The following TEX9 variants were observed in gnomAD, a reference collection of about 807,000 sequenced individuals.
The protein encoded by TEX9 is testis expressed 9.
TEX9 carries 74 observed loss-of-function variants against 59.6 expected under a neutral mutation model. The ratio of observed to expected loss-of-function variants is 1.24; its 90% CI spans 1.03 to 1.51. The LOEUF (loss-of-function observed/expected upper bound fraction) is 1.51. TEX9 is among the 40% of genes most tolerant of loss of function. The pLI, the probability that TEX9 is intolerant of heterozygous loss-of-function variation, is 0.00. For synonymous variants in TEX9, 186 were observed against 152.2 expected (o/e 1.22, Z -1.64); for missense variants, 522 against 447.8 (o/e 1.17, Z -1.49).
intron 1 of TEX9, among the ~76,000 whole-genome samples, chr15:56,341,734 C>A (rs543967750): frequency 6.6e-6 from 1 of 151,558 alleles, no homozygotes; most frequent in Non-Finnish European, 1.5e-5. Flanking sequence ...AAAGTTGAAC[C>A]CATGAAAGGT....
chr15:56,431,674 T>A (rs2050600819), intron 12 of TEX9, among the ~76,000 whole-genome samples: 1 of 152,094 alleles, frequency 6.6e-6, no homozygotes, highest in East Asian at 1.9e-4. Context: ...TCTGTACACA[T>A]ATCTATGTAT....
chr15:56,257,056 G>A (rs1354575927), intron 1 of TEX9, among the ~76,000 whole-genome samples: 7 of 152,048 alleles, frequency 4.6e-5, no homozygotes. Flanking sequence ...TTCTGTTCCT[G>A]CGTTAGTTTG....
intron 1 of TEX9, among the ~76,000 whole-genome samples, chr15:56,248,320 C>A (rs1415373400): frequency 6.6e-6 from 1 of 152,164 alleles, no homozygotes; most frequent in East Asian, 1.9e-4. Context: ...TCTGTTAGAG[C>A]ACAAATATGT....
intron 1 of TEX9, among the ~76,000 whole-genome samples, chr15:56,345,090 T>C (rs2046445562): frequency 7.0e-6 from 1 of 143,196 alleles, no homozygotes; most frequent in African/African-American, 2.5e-5. Context: ...TATATATATA[T>C]GTATATATAA....
intron 1 of TEX9, among the ~76,000 whole-genome samples, chr15:56,266,137 T>G (rs2044376233): frequency 1.3e-5 from 2 of 151,990 alleles, no homozygotes. Flanking sequence ...TTTCTCTCTT[T>G]TTTTTTTGAG....
chr15:56,407,977 A>G (rs2049158519), intron 9 of TEX9, among the ~76,000 whole-genome samples: 3 of 152,178 alleles, frequency 2.0e-5, no homozygotes, highest in Admixed American at 2.0e-4. Context: ...TGCACTGGCA[A>G]TTGTCCTTCC....
At chr15:56,428,688 TAATTCTCCTCCCTTAC>T in intron 12 of TEX9, 1 of 398,734 alleles carries the variant, frequency 2.5e-6, no homozygotes, top group Non-Finnish European at 4.5e-6. Flanking sequence ...TTTTCATTTA[TAATTCTCCTCCCTTAC>T]AGTAGACCAA....
chr15:56,393,518 C>T (rs1485388396), intron 7 of TEX9: 1 of 152,070 alleles, frequency 6.6e-6, no homozygotes, highest in Admixed American at 6.6e-5. Flanking sequence ...CCTACTATGC[C>T]ATTTTGAACA....
chr15:56,426,562 GTTTT>G lies in TEX9; in HGVS notation c.964-1028_964-1025del, dbSNP rs35594267. On this transcript the variant is annotated intron_variant, in intron 10 of 12. Transcript: ENST00000352903. ...CAACACTCTTATCTTTTAAAGAGGT[GTTTT>G]TTTTTTTTTTTTTTGAAAAGGTGTA... Among the ~76,000 whole-genome samples, 126 of 53,854 alleles carry G rather than the reference GTTTT, an allele frequency of 2.3e-3. 1 individual carries two copies. Among genetic ancestry groups the G allele is most frequent in the African/African-American group, 5.2e-3 (94 of 17,990 alleles). 35.3% of individuals were successfully genotyped at this position (53,854 alleles called of 152,430 possible).
intron 1 of TEX9, among the ~76,000 whole-genome samples, chr15:56,288,235 T>C (rs1433825516): frequency 2.6e-5 from 4 of 152,216 alleles, no homozygotes; most frequent in African/African-American, 4.8e-5. Flanking sequence ...TGTGAGGTGA[T>C]ACCTCATTGT....
At chr15:56,272,944 T>TTTTTTG (rs71456383) in intron 1 of TEX9, among the ~76,000 whole-genome samples, 1 of 142,348 alleles carries the variant, frequency 7.0e-6, no homozygotes, top group Non-Finnish European at 1.5e-5. Context: ...ATTTATTTTT[T>TTTTTTG]TTGTTGTTGT....
At chr15:56,316,436 G>GT (rs147810653) in intron 1 of TEX9, among the ~76,000 whole-genome samples, 1 of 750 alleles carries the variant, frequency 1.3e-3, no homozygotes, top group East Asian at 0.25. Flanking sequence ...TGCCCCTGCT[G>GT]GGGGTGCCTC....
At chr15:56,260,918 A>G (rs2044251259) in intron 1 of TEX9, among the ~76,000 whole-genome samples, 1 of 151,994 alleles carries the variant, frequency 6.6e-6, no homozygotes, top group African/African-American at 2.4e-5. Context: ...GAATATATTT[A>G]ACAATGATTT....
At chr15:56,319,618 T>C (rs2045858448) in intron 1 of TEX9, among the ~76,000 whole-genome samples, 1 of 152,190 alleles carries the variant, frequency 6.6e-6, no homozygotes, top group Non-Finnish European at 1.5e-5. Context: ...TTAATTTATT[T>C]CTCTTTCTCA....
chr15:56,263,971 C>T (rs2044324630), intron 1 of TEX9, among the ~76,000 whole-genome samples: 1 of 151,942 alleles, frequency 6.6e-6, no homozygotes. Flanking sequence ...GGGTTATTTC[C>T]ACTTTTTGGC....
chr15:56,392,331 C>T (rs1365103882), intron 7 of TEX9, among the ~76,000 whole-genome samples: 1 of 152,060 alleles, frequency 6.6e-6, no homozygotes, highest in Non-Finnish European at 1.5e-5. Context: ...CCAATCATGG[C>T]GGAAGGCAAA....
chr15:56,373,570 A>G (rs2047289186), intron 3 of TEX9, 66 bp downstream of exon 3: 2 of 1,318,082 alleles, frequency 1.5e-6, no homozygotes, highest in East Asian at 5.6e-5. Context: ...TTCATTTGAT[A>G]TATGACATAT....
upstream of TEX9, among the ~76,000 whole-genome samples, chr15:56,360,635 T>G (rs2046772815): frequency 6.6e-6 from 1 of 152,184 alleles, no homozygotes; most frequent in African/African-American, 2.4e-5. Flanking sequence ...CTTTAAAAAA[T>G]CCTTTCTGGC....
chr15:56,261,716 C>CAA (rs1205743303), intron 1 of TEX9, among the ~76,000 whole-genome samples: 1 of 142,086 alleles, frequency 7.0e-6, no homozygotes, highest in African/African-American at 2.6e-5. Context: ...GAGACTGTCT[C>CAA]AAAAAAAAAA....
Sources: gnomAD v4.1 joint callset for allele counts (sites outside exome capture counted in the v4.1 genomes callset) on GRCh38, gnomAD v4.1.1 for gene constraint, MANE v1.5 for transcripts, NCBI Gene and HGNC (gene_info 2026-07-23, HGNC 2026-07-21) for gene names.